RABGAP1L: variants seen among roughly 807,000 people sequenced by gnomAD.
RABGAP1L encodes RAB GTPase activating protein 1 like.
RABGAP1L carries 63 observed loss-of-function variants against 137.7 expected under a neutral mutation model. The observed-to-expected ratio is 0.46, with a 90% confidence interval of 0.37 to 0.56. The LOEUF is 0.56. Among genes scored for constraint, RABGAP1L ranks in the 20% least tolerant of loss-of-function variants. RABGAP1L has a pLI of 0.00. For synonymous variants in RABGAP1L, 431 were observed against 433.7 expected (o/e 0.99, Z 0.08); for missense variants, 1,095 against 1,244.0 (o/e 0.88, Z 1.80).
At chr1:174,314,029 T>C (rs980553457) in intron 11 of RABGAP1L, among the ~76,000 whole-genome samples, 3 of 152,124 alleles carry the variant, frequency 2.0e-5, no homozygotes, top group Non-Finnish European at 4.4e-5. Context: ...GTAGAATGAG[T>C]CTGGACATTT....
intron 10 of RABGAP1L, among the ~76,000 whole-genome samples, chr1:174,303,278 T>TA (rs796210366): frequency 0.024 from 3,586 of 147,646 alleles, 138 homozygotes; most frequent in African/African-American, 0.083. Context: ...TTGTGAACCT[T>TA]AAAAAAAAAA....
intron 20 of RABGAP1L, among the ~76,000 whole-genome samples, chr1:174,967,146 G>A (rs1288379866): frequency 6.7e-6 from 1 of 149,844 alleles, no homozygotes; most frequent in South Asian, 2.1e-4. Flanking sequence ...AGCATTTCCT[G>A]TTATTATATT....
At chr1:174,900,157 C>T (rs1056534836) in intron 19 of RABGAP1L, among the ~76,000 whole-genome samples, 1 of 152,118 alleles carries the variant, frequency 6.6e-6, no homozygotes, top group African/African-American at 2.4e-5. Flanking sequence ...TCAAGGTTGC[C>T]AGTAGAAGGT....
intron 19 of RABGAP1L, among the ~76,000 whole-genome samples, chr1:174,942,905 A>G (rs556677679): frequency 1.3e-5 from 2 of 152,140 alleles, no homozygotes; most frequent in Admixed American, 1.3e-4. Context: ...CCTAAATTAT[A>G]TAATTATTTG....
intron 17 of RABGAP1L, among the ~76,000 whole-genome samples, chr1:174,712,825 ATCAG>A (rs758388845): frequency 2.3e-4 from 35 of 152,172 alleles, no homozygotes; most frequent in Non-Finnish European, 4.9e-4. Flanking sequence ...GCGTCATTCC[ATCAG>A]TCAGTGGCCT....
intron 10 of RABGAP1L, among the ~76,000 whole-genome samples, chr1:174,293,558 G>T (rs1676828566): frequency 6.6e-6 from 1 of 152,052 alleles, no homozygotes; most frequent in Non-Finnish European, 1.5e-5. Context: ...TAGTTGTATT[G>T]TCCTTATTGG....
At chr1:174,610,744 A>G (rs1671163671) in intron 13 of RABGAP1L, among the ~76,000 whole-genome samples, 1 of 152,180 alleles carries the variant, frequency 6.6e-6, no homozygotes, top group South Asian at 2.1e-4. Context: ...AATGATCACC[A>G]TTCTAACTGG....
At chr1:174,483,819 CA>C (rs201936174) in intron 13 of RABGAP1L, among the ~76,000 whole-genome samples, 333 of 132,680 alleles carry the variant, frequency 2.5e-3, no homozygotes, top group African/African-American at 3.8e-3. Flanking sequence ...AACTCCATCT[CA>C]AAAAAAAAAA....
At chr1:174,239,482 T>G (rs1671595307) in intron 4 of RABGAP1L, among the ~76,000 whole-genome samples, 1 of 152,218 alleles carries the variant, frequency 6.6e-6, no homozygotes, top group African/African-American at 2.4e-5. Context: ...TTTCCAATGC[T>G]TTTTGTTTCA....
chr1:174,651,212 A>C (rs2148390299), intron 14 of RABGAP1L, among the ~76,000 whole-genome samples: 1 of 151,540 alleles, frequency 6.6e-6, no homozygotes, highest in South Asian at 2.1e-4. Flanking sequence ...GTTTGTTATA[A>C]TTTCTGTTCT....
chr1:174,268,495 G>A (rs1010922018), intron 7 of RABGAP1L, among the ~76,000 whole-genome samples: 20 of 152,120 alleles, frequency 1.3e-4, no homozygotes, highest in African/African-American at 3.9e-4. Context: ...GAGCCACTGC[G>A]CCCAGCCACT....
chr1:174,763,650 CAAAAAAAAAAAAAAAAAAA>C (rs1165876748), intron 18 of RABGAP1L, among the ~76,000 whole-genome samples: 8 of 13,100 alleles, frequency 6.1e-4, no homozygotes, highest in Non-Finnish European at 7.7e-4. Flanking sequence ...GACTCCGTCT[CAAAAAAAAAAAAAAAAAAA>C]AAAAAAAAAA....
At chr1:174,556,807 G>A (rs1418450066) in intron 13 of RABGAP1L, among the ~76,000 whole-genome samples, 1 of 152,188 alleles carries the variant, frequency 6.6e-6, no homozygotes, top group Non-Finnish European at 1.5e-5. Context: ...AACATTATTG[G>A]TGGTGAGAAG....
chr1:174,836,986 C>G (rs1379112838), intron 19 of RABGAP1L, among the ~76,000 whole-genome samples: 3 of 152,206 alleles, frequency 2.0e-5, no homozygotes, highest in Admixed American at 1.3e-4. Flanking sequence ...GTGGGCAAAT[C>G]ACCTGAGGTC....
chr1:174,757,987 C>A (rs1793306), intron 18 of RABGAP1L, among the ~76,000 whole-genome samples: 1 of 150,452 alleles, frequency 6.6e-6, no homozygotes, highest in South Asian at 2.1e-4. Context: ...TGCACCATTG[C>A]ACTCCAGCCT....
At chr1:174,653,265 A>T (rs1170820024) in intron 14 of RABGAP1L, among the ~76,000 whole-genome samples, 1 of 152,122 alleles carries the variant, frequency 6.6e-6, no homozygotes, top group Non-Finnish European at 1.5e-5. Flanking sequence ...GAGCTAGACC[A>T]CTTGGCTCCC....
chr1:174,779,396 T>C (rs1686777056), intron 18 of RABGAP1L, among the ~76,000 whole-genome samples: 2 of 152,232 alleles, frequency 1.3e-5, no homozygotes, highest in Admixed American at 6.5e-5. Context: ...TTTGTATGTG[T>C]ATGTCTTGTC....
chr1:174,415,549 G>T (rs940961635), intron 13 of RABGAP1L, among the ~76,000 whole-genome samples: 1 of 151,968 alleles, frequency 6.6e-6, no homozygotes, highest in African/African-American at 2.4e-5. Flanking sequence ...CTTTTAATAG[G>T]TGACAAATTT....
chr1:174,624,586 A>C (rs1672802550), intron 13 of RABGAP1L, among the ~76,000 whole-genome samples: 4 of 152,194 alleles, frequency 2.6e-5, no homozygotes, highest in African/African-American at 9.6e-5. Flanking sequence ...TCTTGTAAAA[A>C]TGATGTAAAT....
Sources: gnomAD v4.1 joint callset for allele counts (sites outside exome capture counted in the v4.1 genomes callset) on GRCh38, gnomAD v4.1.1 for gene constraint, MANE v1.5 for transcripts, NCBI Gene and HGNC (gene_info 2026-07-23, HGNC 2026-07-21) for gene names.